Variants in AAAS observed in about 807,000 individuals in gnomAD.
The protein encoded by AAAS is aladin WD repeat nucleoporin.
AAAS carries 60 observed loss-of-function variants against 75.6 expected under a neutral mutation model. The ratio of observed to expected loss-of-function variants is 0.79; its 90% CI spans 0.64 to 0.98. The LOEUF (loss-of-function observed/expected upper bound fraction) is 0.98. AAAS is among the 50% of genes least tolerant of loss of function. The probability of loss-of-function intolerance (pLI) is 0.00; values close to 1 mark genes in which losing one functional copy is unlikely to be tolerated. For missense variants in AAAS, 658 were observed against 686.9 expected (o/e 0.96, Z 0.47); for synonymous variants, 271 against 265.0 (o/e 1.02, Z -0.22).
Position 53,315,341 on chromosome 12 carries a change from A to G in AAAS, c.393T>C (p.His131=). The G allele has an allele frequency of 6.2e-7, 1 of 1,614,144 alleles. No individual in the cohort carries two copies. The highest frequency in any genetic ancestry group is 8.5e-7 in the Non-Finnish European group (1 of 1,180,014). Residue 131 remains histidine (H), a synonymous_variant, in exon 4 of 16, where the codon CAT becomes CAC. Transcript: ENST00000209873. The part of the protein sequence containing the change: ...ASSLHGSLFP[H]LSLRSEDLIA... The stretch of plus-strand genomic sequence containing the variant: ...GGGAGGAAGCCAAACTTACAGACAG[A>G]TGGGGGAACAGGGACCCATGGAGGG...
intron 2 of AAAS, among the ~76,000 whole-genome samples, chr12:53,320,235 A>G (rs1944532627): frequency 6.6e-6 from 1 of 152,218 alleles, no homozygotes; most frequent in African/African-American, 2.4e-5. Flanking sequence ...GCTGAGCTTC[A>G]GGTAAAAGCT....
At chr12:53,319,789 C>A (rs1944522891) in intron 2 of AAAS, among the ~76,000 whole-genome samples, 3 of 107,632 alleles carry the variant, frequency 2.8e-5, no homozygotes, top group Admixed American at 1.3e-4. Context: ...GGCAACACAG[C>A]AAGACTCCGT....
rs751886626 is a variant in AAAS, at chr12:53,320,706, G to A, written c.124-14C>T. Reference sequence around the variant, plus strand: ...AAGATTGATCCACTATAGCACAAAAGTGAGGAGTGTGACGGTGATTCAGTC... The same window carrying A: ...AAGATTGATCCACTATAGCACAAAAATGAGGAGTGTGACGGTGATTCAGTC... On this transcript the variant is annotated splice_polypyrimidine_tract_variant and intron_variant, in intron 1 of 15. Transcript: ENST00000209873. 1.9e-6 allele frequency: 3 copies of A among 1,613,738 alleles called. No individual in the cohort carries two copies. Among genetic ancestry groups the A allele is most frequent in the African/African-American group, 2.7e-5 (2 of 74,932 alleles).
chr12:53,321,444 G>A lies in AAAS; in HGVS notation c.22C>T (p.Pro8Ser). Residue 8 changes from proline to serine, a missense_variant, in exon 1 of 16, where the codon CCT becomes TCT. Physicochemically the swap from Pro to Ser is moderately conservative, Grantham distance 74 (BLOSUM62 -1). Transcript: ENST00000209873. ...ACTTGACCCCGAGGCGGTGGAGGAG[G>A]GAACAACCCCAGAGAGCACATCTTG... MCSLGLF[P>S]PPPPRGQVTL... The A allele has an allele frequency of 6.2e-7, 1 of 1,614,198 alleles. No individual in the cohort carries two copies. Among genetic ancestry groups the A allele is most frequent in the Non-Finnish European group, 8.5e-7 (1 of 1,180,036 alleles).
At chr12:53,317,242 G>A (rs890167912) in intron 2 of AAAS, among the ~76,000 whole-genome samples, 1 of 151,872 alleles carries the variant, frequency 6.6e-6, no homozygotes, top group Non-Finnish European at 1.5e-5. Flanking sequence ...GGTCAAGATG[G>A]TGAAACCTCA....
Position 53,309,613 on chromosome 12 carries a change from A to G in AAAS, c.798T>C (p.Asp266=). ...GGGACCCACTCACCCGGATAGCAGC[A>G]TCCACGGGTGAAGCTGAGAGCAGCC... is the stretch of plus-strand genomic sequence containing the variant. ...GGRLLSASPV[D]AAIRVWDVST... The change falls in exon 8 of 16, where the codon GAT becomes GAC. Residue 266 remains aspartate (D), a synonymous_variant. Transcript: ENST00000209873. 6.2e-7 allele frequency: 1 copy of G among 1,613,782 alleles called. No homozygotes were observed. The highest frequency in any genetic ancestry group is 8.5e-7 in the Non-Finnish European group (1 of 1,179,924).
intron 5 of AAAS, 121 bp downstream of exon 5, chr12:53,314,973 C>T: frequency 6.8e-7 from 1 of 1,479,658 alleles, no homozygotes; most frequent in Non-Finnish European, 9.4e-7. Context: ...TTTGGGGGAA[C>T]AGGAGGAATG....
At position 53,315,035 on chromosome 12, in the gene AAAS, A is replaced by G. The variant is rs961602091; in HGVS notation, c.446+59T>C. 6 of 1,590,056 alleles carry G rather than the reference A, an allele frequency of 3.8e-6. No homozygotes were observed. The African/African-American group carries it at 4.0e-5, about 11-fold the overall frequency. ...AGTAGGAGTCTTTGCCTTCTCCCCA[A>G]AGGGAGTTTTGAGGTTCAGGACTTC... On this transcript the variant is annotated intron_variant, in intron 5 of 15. Transcript: ENST00000209873.
Position 53,321,453 on chromosome 12 carries a change from C to CGG in AAAS, c.12_13insCC (p.Gly5ProfsTer23), listed in dbSNP as rs1254726545. ...CGAGGCGGTGGAGGAGGGAACAACCCCAGAGAGCACATCTTGCCGGTTCGC... is the reference window on the plus strand; with the variant it reads ...CGAGGCGGTGGAGGAGGGAACAACCCGGCAGAGAGCACATCTTGCCGGTTCGC... On this transcript the variant is annotated frameshift_variant, in exon 1 of 16. Coordinates refer to ENST00000209873, the MANE Select transcript of AAAS (RefSeq NM_015665.6). LOFTEE classifies it high-confidence loss of function. 6.2e-7 allele frequency: 1 copy of CGG among 1,614,176 alleles called. No individual in the cohort carries two copies. Among genetic ancestry groups the CGG allele is most frequent in the Non-Finnish European group, 8.5e-7 (1 of 1,180,038 alleles).
chr12:53,309,543 G>T (rs1479306443), intron 8 of AAAS, 58 bp downstream of exon 8: 18 of 1,611,856 alleles, frequency 1.1e-5, no homozygotes, highest in Non-Finnish European at 1.5e-5. Context: ...TTCCACAACC[G>T]AGTGAGGAAC....
At chr12:53,319,274 A>C (rs1592523113) in intron 2 of AAAS, among the ~76,000 whole-genome samples, 1 of 150,092 alleles carries the variant, frequency 6.7e-6, no homozygotes, top group African/African-American at 2.5e-5. Flanking sequence ...TACAACCTCC[A>C]CCTCCCAGGC....
Position 53,321,328 on chromosome 12 carries a change from C to G in AAAS, c.123+15G>C, listed in dbSNP as rs374246701. On this transcript the variant is annotated intron_variant, in intron 1 of 15. Coordinates refer to ENST00000209873, the MANE Select transcript of AAAS (RefSeq NM_015665.6). ...CCCCATGCCTGTAGGTCCCCTCCCT[C>G]CTCGCCCTGGCCACCTGGCCCCGGA... The G allele has an allele frequency of 6.2e-7, 1 of 1,612,668 alleles. No individual in the cohort carries two copies. The highest frequency in any genetic ancestry group is 8.5e-7 in the Non-Finnish European group (1 of 1,179,874).
rs1305442000 is a variant in AAAS at position 53,309,600 on chromosome 12, C to T, written c.810+1G>A. Reference sequence around the variant, plus strand: ...TGCATGAGGGGCAGGGACCCACTCACCCGGATAGCAGCATCCACGGGTGAA... The same window carrying T: ...TGCATGAGGGGCAGGGACCCACTCATCCGGATAGCAGCATCCACGGGTGAA... On this transcript the variant is annotated splice_donor_variant, in intron 8 of 15. Transcript: ENST00000209873. LOFTEE classifies it high-confidence loss of function. 6.2e-6 allele frequency: 10 copies of T among 1,613,626 alleles called. No homozygotes were observed. Among genetic ancestry groups the T allele is most frequent in the Non-Finnish European group, 8.5e-6 (10 of 1,179,904 alleles).
chr12:53,321,520 G>C lies in AAAS; in HGVS notation c.-55C>G, dbSNP rs907318046. On this transcript the variant is annotated 5_prime_UTR_variant, in exon 1 of 16. Coordinates refer to ENST00000209873, the MANE Select transcript of AAAS (RefSeq NM_015665.6). ...GCAAACTCCTGGCCGGAACGGCACAGACCGCACTCCCGCAACTCGGTTCCC... is the reference window on the plus strand; with the variant it reads ...GCAAACTCCTGGCCGGAACGGCACACACCGCACTCCCGCAACTCGGTTCCC... The C allele has an allele frequency of 1.9e-6, 3 of 1,611,266 alleles. No homozygotes were observed. Among genetic ancestry groups the C allele is most frequent in the East Asian group, 4.5e-5 (2 of 44,896 alleles).
rs760150956 is a variant in AAAS, at chr12:53,315,415, C to T, written c.319G>A (p.Val107Met). The T allele has an allele frequency of 6.2e-7, 1 of 1,613,154 alleles. No homozygotes were observed. Among genetic ancestry groups the T allele is most frequent in the East Asian group, 2.2e-5 (1 of 44,860 alleles). Reference sequence around the variant, plus strand: ...AGGGCCCAGCCGGATGCCGTCTTCACCCACTCAAACACTGTAGGGTTGAGG... The same window carrying T: ...AGGGCCCAGCCGGATGCCGTCTTCATCCACTCAAACACTGTAGGGTTGAGG... ...ANSEEEVFEW[V>M]KTASGWALAL... Residue 107 changes from valine to methionine, a missense_variant, in exon 4 of 16, where the codon GTG (valine) becomes ATG (methionine). Physicochemically the swap from Val to Met is conservative, Grantham distance 21 (BLOSUM62 1). Coordinates refer to ENST00000209873, the MANE Select transcript of AAAS (RefSeq NM_015665.6).
At chr12:53,315,514 A>T in intron 3 of AAAS, 88 bp from the exon 4 acceptor site, 1 of 1,305,658 alleles carries the variant, frequency 7.7e-7, no homozygotes, top group Non-Finnish European at 1.1e-6. Flanking sequence ...AAGGACAGGC[A>T]CTCCCCAGGT....
At chr12:53,320,235 AGGTAAAAGCTCAGAAGT>A (rs1944532684) in intron 2 of AAAS, among the ~76,000 whole-genome samples, 1 of 152,218 alleles carries the variant, frequency 6.6e-6, no homozygotes, top group African/African-American at 2.4e-5. Context: ...GCTGAGCTTC[AGGTAAAAGCTCAGAAGT>A]GGTAATGCCA....
In AAAS at chr12:53,309,770, T is replaced by A. The variant is rs576646375; in HGVS notation, c.690-49A>T. The A allele has an allele frequency of 3.7e-6, 6 of 1,601,024 alleles. No homozygotes were observed. In the African/African-American group the frequency reaches 8.0e-5, roughly 21 times the overall value. ...GGAGTCAGAAGATGACAAGAAGCCA[T>A]CCCCAAAATTCTATTTCTTTGCCTC... On this transcript the variant is annotated intron_variant, in intron 7 of 15. Coordinates refer to ENST00000209873, the MANE Select transcript of AAAS (RefSeq NM_015665.6).
rs1295835323 is a variant in AAAS, at chr12:53,308,314, G to A, written c.1217C>T (p.Pro406Leu). The change falls in exon 13 of 16, where the codon CCC becomes CTC. Residue 406 changes from proline to leucine, a missense_variant. Physicochemically the swap from Pro to Leu is moderately conservative, Grantham distance 98. Transcript: ENST00000209873. Reference protein sequence around the residue: ...GGEAHSMVWDPSGERLAVLMK... With the variant: ...GGEAHSMVWDLSGERLAVLMK... Reference sequence around the variant, plus strand: ...AAGCACAGCCAGACGTTCCCCACTGGGGTCCCAGACCATGGAGTGAGCCTC... The same window carrying A: ...AAGCACAGCCAGACGTTCCCCACTGAGGTCCCAGACCATGGAGTGAGCCTC... 6.2e-7 allele frequency: 1 copy of A among 1,614,160 alleles called. No homozygotes were observed. The highest frequency in any genetic ancestry group is 8.5e-7 in the Non-Finnish European group (1 of 1,180,022).
Sources: allele counts gnomAD v4.1 joint callset (sites outside exome capture counted in the v4.1 genomes callset), GRCh38; gene constraint gnomAD v4.1.1; transcripts MANE v1.5; gene names NCBI Gene and HGNC (gene_info 2026-07-23, HGNC 2026-07-21).